Variants in MACROD2 observed in about 807,000 individuals in gnomAD.
MACROD2 encodes the protein mono-ADP ribosylhydrolase 2, also known as ADP-ribose glycohydrolase MACROD2.
MACROD2 carries 36 observed loss-of-function variants against 70.4 expected under a neutral mutation model. The ratio of observed to expected loss-of-function variants is 0.51; its 90% confidence interval spans 0.39 to 0.68. The LOEUF is 0.68. Among genes scored for constraint, MACROD2 ranks in the 30% least tolerant of loss-of-function variants. The pLI, the probability that MACROD2 is intolerant of heterozygous loss-of-function variation, is 0.00. For synonymous variants in MACROD2, 172 were observed against 178.8 expected (o/e 0.96, Z 0.30); for missense variants, 496 against 538.4 (o/e 0.92, Z 0.78).
chr20:15,896,515 G>A (rs140337977), intron 10 of MACROD2, among the ~76,000 whole-genome samples: 2 of 148,430 alleles, frequency 1.3e-5, no homozygotes, highest in Non-Finnish European at 3.0e-5. Flanking sequence ...CCAAGTCCAC[G>A]CAGTTTGTTA....
At chr20:15,416,296 T>A (rs2046147610) in intron 6 of MACROD2, among the ~76,000 whole-genome samples, 1 of 152,228 alleles carries the variant, frequency 6.6e-6, no homozygotes, top group African/African-American at 2.4e-5. Flanking sequence ...TCTTGCTTTC[T>A]TTTATTTTAG....
At chr20:15,326,222 ATATAATT>A (rs1228196039) in intron 6 of MACROD2, among the ~76,000 whole-genome samples, 2 of 152,096 alleles carry the variant, frequency 1.3e-5, no homozygotes, top group Non-Finnish European at 2.9e-5. Flanking sequence ...CATCTTGATA[ATATAATT>A]TATCTTTGCT....
chr20:15,989,297 G>C lies in MACROD2; in HGVS notation c.1153+2139G>C, dbSNP rs62194202. The stretch of plus-strand genomic sequence containing the variant: ...CATTATCCTTCAACAACAACAACTG[G>C]TTCTATCCATTTGGTTGGCAGCACC... On this transcript the variant is annotated intron_variant, in intron 15 of 17. Coordinates refer to ENST00000684519, the MANE Select transcript of MACROD2 (RefSeq NM_001351661.2). Among the ~76,000 whole-genome samples the C allele has an allele frequency of 0.014, 2,086 of 152,176 alleles. 181 individuals are homozygous for C. In the East Asian group the frequency reaches 0.23, roughly 16 times the overall value.
At chr20:14,768,411 T>C (rs2072120354) in intron 5 of MACROD2, among the ~76,000 whole-genome samples, 1 of 152,130 alleles carries the variant, frequency 6.6e-6, no homozygotes. Context: ...GGAATTGATA[T>C]CAGTTTTATT....
intron 3 of MACROD2, among the ~76,000 whole-genome samples, chr20:14,166,590 T>C (rs1156774634): frequency 6.6e-6 from 1 of 152,226 alleles, no homozygotes; most frequent in Non-Finnish European, 1.5e-5. Context: ...CATTTCCACC[T>C]GGAGGTCTCC....
intron 8 of MACROD2, among the ~76,000 whole-genome samples, chr20:15,801,186 T>A (rs57438091): frequency 0.31 from 27,358 of 88,628 alleles, 2,682 homozygotes; most frequent in African/African-American, 0.36. Flanking sequence ...AATGATCAAT[T>A]AAAAAAAAAA....
chr20:14,760,678 A>G (rs983737066), intron 5 of MACROD2, among the ~76,000 whole-genome samples: 1 of 151,992 alleles, frequency 6.6e-6, no homozygotes, highest in Non-Finnish European at 1.5e-5. Flanking sequence ...CCTTCACATT[A>G]TTCTGAGTTA....
At chr20:15,146,817 C>A (rs1489603679) in intron 5 of MACROD2, among the ~76,000 whole-genome samples, 1 of 152,006 alleles carries the variant, frequency 6.6e-6, no homozygotes, top group Non-Finnish European at 1.5e-5. Context: ...TTCTGAGATG[C>A]CAATTTCATG....
intron 3 of MACROD2, among the ~76,000 whole-genome samples, chr20:14,225,709 A>G (rs1285244910): frequency 6.6e-6 from 1 of 152,270 alleles, no homozygotes; most frequent in Non-Finnish European, 1.5e-5. Context: ...AGAGGCTTTT[A>G]TAATGAGATT....
rs758412370 is a variant in MACROD2 at position 15,499,866 on chromosome 20, T to C, written c.645+19T>C. ...CCATGAGGTAGGAGGAACGACATAATCAGTGAACATCCAAGATGATGTAAT... is the reference window on the plus strand; with the variant it reads ...CCATGAGGTAGGAGGAACGACATAACCAGTGAACATCCAAGATGATGTAAT... On this transcript the variant is annotated intron_variant, in intron 8 of 17. Coordinates refer to ENST00000684519, the MANE Select transcript of MACROD2 (RefSeq NM_001351661.2). 8 of 1,607,094 alleles carry C rather than the reference T, an allele frequency of 5.0e-6. No homozygotes were observed. The Admixed American group carries it at 1.3e-4, about 27-fold the overall frequency.
chr20:14,907,364 C>T (rs938849837), intron 5 of MACROD2, among the ~76,000 whole-genome samples: 3 of 152,196 alleles, frequency 2.0e-5, no homozygotes, highest in Admixed American at 6.5e-5. Flanking sequence ...ATAAAAGTTG[C>T]AGTCTAACAT....
At chr20:15,169,345 C>G (rs2145885799) in intron 5 of MACROD2, among the ~76,000 whole-genome samples, 1 of 152,260 alleles carries the variant, frequency 6.6e-6, no homozygotes, top group East Asian at 1.9e-4. Flanking sequence ...TTGAGCTACT[C>G]AAGTGAAAGG....
intron 2 of MACROD2, among the ~76,000 whole-genome samples, chr20:14,013,179 C>T (rs2052937176): frequency 6.7e-6 from 1 of 150,334 alleles, no homozygotes; most frequent in Non-Finnish European, 1.5e-5. Context: ...TTGCAAGTCT[C>T]TAAAAAATGT....
chr20:14,376,617 G>A (rs1212749391), intron 3 of MACROD2, among the ~76,000 whole-genome samples: 2 of 152,004 alleles, frequency 1.3e-5, no homozygotes, highest in African/African-American at 4.8e-5. Context: ...AGGCATGGTG[G>A]CATGTGCCTA....
At chr20:15,720,747 G>A (rs867835488) in intron 8 of MACROD2, among the ~76,000 whole-genome samples, 2 of 152,122 alleles carry the variant, frequency 1.3e-5, no homozygotes, top group African/African-American at 2.4e-5. Context: ...GTTCACCAAA[G>A]GGACAAAAAT....
At chr20:15,591,501 A>G (rs993728898) in intron 8 of MACROD2, among the ~76,000 whole-genome samples, 1 of 148,668 alleles carries the variant, frequency 6.7e-6, no homozygotes, top group Non-Finnish European at 1.5e-5. Context: ...GGAGGTAATC[A>G]TAGACACGTT....
intron 5 of MACROD2, among the ~76,000 whole-genome samples, chr20:15,192,881 A>G (rs1601201976): frequency 1.3e-5 from 2 of 152,240 alleles, no homozygotes; most frequent in South Asian, 2.1e-4. Flanking sequence ...TTAGATTTTT[A>G]TAGTTTGCAA....
intron 5 of MACROD2, among the ~76,000 whole-genome samples, chr20:14,753,192 C>T (rs1160970280): frequency 4.6e-5 from 7 of 152,052 alleles, no homozygotes; most frequent in African/African-American, 1.2e-4. Context: ...TTCTCAAGAC[C>T]ACATGCCTCT....
chr20:14,377,034 T>A (rs192184639), intron 3 of MACROD2, among the ~76,000 whole-genome samples: 1 of 152,176 alleles, frequency 6.6e-6, no homozygotes, highest in Admixed American at 6.5e-5. Flanking sequence ...ATAATAAATA[T>A]CACTGTCTCC....
Sources: allele counts gnomAD v4.1 joint callset (sites outside exome capture counted in the v4.1 genomes callset), GRCh38; gene constraint gnomAD v4.1.1; transcripts MANE v1.5; gene names NCBI Gene and HGNC (gene_info 2026-07-23, HGNC 2026-07-21).